Variants in WDR70 observed in about 807,000 individuals in gnomAD.
The protein encoded by WDR70 is WD repeat domain 70.
A neutral mutation model predicts 88.6 loss-of-function variants in WDR70; 53 were observed. That is an observed-to-expected ratio of 0.60 (90% CI 0.48 to 0.75). The LOEUF (loss-of-function observed/expected upper bound fraction) is 0.75. WDR70 is among the 30% of genes least tolerant of loss of function. The pLI is 0.00. For synonymous variants in WDR70, 280 were observed against 270.0 expected, an observed-to-expected ratio of 1.04 and a Z score of -0.36; for missense variants, 610 against 823.2, an observed-to-expected ratio of 0.74 and a Z score of 3.17.
At chr5:37,738,604 A>T (rs368554530) in intron 17 of WDR70, among the ~76,000 whole-genome samples, 9 of 152,182 alleles carry the variant, frequency 5.9e-5, no homozygotes, top group Non-Finnish European at 8.8e-5. Flanking sequence ...CACCCCAAAA[A>T]TGCCCTTTTA....
chr5:37,737,950 A>G (rs1306713095), intron 17 of WDR70, among the ~76,000 whole-genome samples: 1 of 151,976 alleles, frequency 6.6e-6, no homozygotes, highest in Non-Finnish European at 1.5e-5. Flanking sequence ...TATTTTCTAA[A>G]ATATTATATG....
intron 7 of WDR70, among the ~76,000 whole-genome samples, chr5:37,471,491 A>G (rs1387977363): frequency 1.3e-5 from 2 of 151,442 alleles, no homozygotes; most frequent in Non-Finnish European, 1.5e-5. Flanking sequence ...AATAGATTTT[A>G]AAAATATGGT....
At chr5:37,559,535 TAGTC>T (rs1465676707) in intron 9 of WDR70, among the ~76,000 whole-genome samples, 1 of 152,168 alleles carries the variant, frequency 6.6e-6, no homozygotes, top group Non-Finnish European at 1.5e-5. Context: ...AGAAATGTGT[TAGTC>T]AGTAGGAGTA....
At chr5:37,566,426 AT>A (rs201672595) in intron 9 of WDR70, among the ~76,000 whole-genome samples, 1 of 151,504 alleles carries the variant, frequency 6.6e-6, no homozygotes, top group East Asian at 1.9e-4. Context: ...ATTTGAGATA[AT>A]TTTTTTTTCT....
At chr5:37,622,759 G>T (rs993244615) in intron 10 of WDR70, among the ~76,000 whole-genome samples, 5 of 151,992 alleles carry the variant, frequency 3.3e-5, no homozygotes, top group Non-Finnish European at 7.4e-5. Context: ...GGGGAGCGGG[G>T]AGGGATAGCA....
At chr5:37,463,086 A>T (rs1739058290) in intron 7 of WDR70, among the ~76,000 whole-genome samples, 1 of 152,108 alleles carries the variant, frequency 6.6e-6, no homozygotes, top group Admixed American at 6.6e-5. Context: ...AGCCTGACCA[A>T]CATGGCGAAA....
chr5:37,434,378 T>C (rs1165680952), intron 5 of WDR70, among the ~76,000 whole-genome samples: 1 of 152,204 alleles, frequency 6.6e-6, no homozygotes, highest in Non-Finnish European at 1.5e-5. Context: ...GTTAGTGTTA[T>C]TAGATCTCCA....
chr5:37,679,756 C>T (rs1746365620), intron 10 of WDR70, among the ~76,000 whole-genome samples: 2 of 152,340 alleles, frequency 1.3e-5, no homozygotes, highest in East Asian at 3.9e-4. Flanking sequence ...CCACTGGTCT[C>T]TTCAGAGCTG....
At chr5:37,483,199 A>G (rs1475701875) in intron 8 of WDR70, among the ~76,000 whole-genome samples, 1 of 151,000 alleles carries the variant, frequency 6.6e-6, no homozygotes, top group Admixed American at 6.6e-5. Flanking sequence ...AGATCAGCAG[A>G]TAAACAAGTG....
At chr5:37,550,273 G>A (rs1742105919) in intron 9 of WDR70, among the ~76,000 whole-genome samples, 1 of 152,110 alleles carries the variant, frequency 6.6e-6, no homozygotes, top group Admixed American at 6.5e-5. Flanking sequence ...CCACGTATTT[G>A]TATAGTTTCC....
intron 10 of WDR70, among the ~76,000 whole-genome samples, chr5:37,682,241 G>C (rs1561068586): frequency 1.3e-5 from 2 of 151,992 alleles, no homozygotes; most frequent in Admixed American, 6.6e-5. Context: ...ATTCTCTGAG[G>C]GTTCTTTGTA....
intron 5 of WDR70, among the ~76,000 whole-genome samples, chr5:37,398,673 C>T (rs1158243733): frequency 6.6e-6 from 1 of 152,122 alleles, no homozygotes; most frequent in Non-Finnish European, 1.5e-5. Context: ...CACACATATG[C>T]ACATGCATTC....
intron 10 of WDR70, among the ~76,000 whole-genome samples, chr5:37,673,585 C>CA (rs931217840): frequency 4.3e-5 from 4 of 93,768 alleles, no homozygotes; most frequent in African/African-American, 8.2e-5. Flanking sequence ...CTTTTCTTAC[C>CA]CCCCCCCCAC....
chr5:37,586,151 C>T (rs1478434378), intron 9 of WDR70, among the ~76,000 whole-genome samples: 2 of 152,130 alleles, frequency 1.3e-5, no homozygotes, highest in South Asian at 4.1e-4. Context: ...AATTCCATTC[C>T]TCTTTGTCTT....
At chr5:37,692,978 T>C (rs879138840) in intron 10 of WDR70, among the ~76,000 whole-genome samples, 1 of 152,102 alleles carries the variant, frequency 6.6e-6, no homozygotes, top group African/African-American at 2.4e-5. Flanking sequence ...CATTGTCTCA[T>C]CCCAAAATCT....
At chr5:37,451,644 C>G (rs995970672) in intron 7 of WDR70, among the ~76,000 whole-genome samples, 5 of 151,826 alleles carry the variant, frequency 3.3e-5, no homozygotes, top group Non-Finnish European at 7.4e-5. Flanking sequence ...GACTTAAGTT[C>G]AAAAACAGGA....
chr5:37,700,791 T>C (rs1260929724), intron 11 of WDR70, among the ~76,000 whole-genome samples: 2 of 152,188 alleles, frequency 1.3e-5, no homozygotes, highest in Non-Finnish European at 2.9e-5. Flanking sequence ...ATCTGGAAAG[T>C]AATTTCCAGA....
chr5:37,442,365 G>A (rs997808678), intron 6 of WDR70, among the ~76,000 whole-genome samples: 14 of 143,098 alleles, frequency 9.8e-5, no homozygotes, highest in Admixed American at 7.3e-4. Context: ...TTAAGACAGA[G>A]TCTCGCTCTG....
intron 9 of WDR70, among the ~76,000 whole-genome samples, chr5:37,569,639 A>G (rs1742843548): frequency 6.6e-6 from 1 of 152,156 alleles, no homozygotes; most frequent in Non-Finnish European, 1.5e-5. Flanking sequence ...GTTTAGTCAT[A>G]CCACAAATTG....
Sources: gnomAD v4.1 joint callset for allele counts (sites outside exome capture counted in the v4.1 genomes callset) on GRCh38, gnomAD v4.1.1 for gene constraint, MANE v1.5 for transcripts, NCBI Gene and HGNC (gene_info 2026-07-23, HGNC 2026-07-21) for gene names.